DPP6: variants seen among roughly 807,000 people sequenced by gnomAD.
DPP6 encodes A-type potassium channel modulatory protein DPP6.
Under a neutral mutation model 122.6 loss-of-function variants are expected in DPP6, and 69 were observed. The ratio of observed to expected loss-of-function variants is 0.56; its 90% CI spans 0.46 to 0.69. The LOEUF (loss-of-function observed/expected upper bound fraction) is 0.69, where lower values mean the gene tolerates loss of function less well. Ranked by LOEUF, DPP6 falls within the 30% of genes least tolerant of loss-of-function variation. DPP6 has a pLI of 0.00. For missense variants in DPP6, 928 were observed against 1,116.9 expected, an observed-to-expected ratio of 0.83 and a Z score of 2.41; for synonymous variants, 418 against 433.1, an observed-to-expected ratio of 0.97 and a Z score of 0.43.
chr7:154,456,342 A>C, intron 2 of DPP6, among the ~76,000 whole-genome samples: 1 of 152,346 alleles, frequency 6.6e-6, no homozygotes, highest in Non-Finnish European at 1.5e-5. Flanking sequence ...TGTGCATTTA[A>C]GTATGGTATT....
chr7:154,178,379 CTTCT>C (rs1797910965), intron 1 of DPP6, among the ~76,000 whole-genome samples: 2 of 148,322 alleles, frequency 1.3e-5, no homozygotes, highest in Non-Finnish European at 3.0e-5. Context: ...TTTTTTTTTC[CTTCT>C]ATCTTCAGCC....
chr7:154,580,534 C>T (rs550715322), intron 5 of DPP6, among the ~76,000 whole-genome samples: 1 of 152,276 alleles, frequency 6.6e-6, no homozygotes, highest in Admixed American at 6.5e-5. Context: ...GCCGTTAGAG[C>T]CTGAGGGGTC....
chr7:154,713,076 A>G (rs1186071964), intron 7 of DPP6, among the ~76,000 whole-genome samples: 1 of 152,242 alleles, frequency 6.6e-6, no homozygotes, highest in Non-Finnish European at 1.5e-5. Context: ...GGCCAAAACA[A>G]AGAGGCTGCA....
At chr7:154,278,673 A>G (rs1355526421) in intron 1 of DPP6, among the ~76,000 whole-genome samples, 1 of 152,228 alleles carries the variant, frequency 6.6e-6, no homozygotes, top group Non-Finnish European at 1.5e-5. Context: ...TGCTTGCTCT[A>G]GTAATGTTGT....
intron 1 of DPP6, among the ~76,000 whole-genome samples, chr7:154,348,525 A>G (rs1586016184): frequency 6.6e-6 from 1 of 152,208 alleles, no homozygotes; most frequent in African/African-American, 2.4e-5. Context: ...AAAGGATAGC[A>G]TCATAGAAAC....
At chr7:154,077,971 T>C (rs573142514) in intron 1 of DPP6, among the ~76,000 whole-genome samples, 6 of 152,270 alleles carry the variant, frequency 3.9e-5, no homozygotes, top group African/African-American at 1.2e-4. Context: ...TCCCGGCCAA[T>C]AGATTATAGA....
chr7:153,919,376 C>T (rs1175297988), intron 1 of DPP6, among the ~76,000 whole-genome samples: 2 of 152,126 alleles, frequency 1.3e-5, no homozygotes, highest in Non-Finnish European at 2.9e-5. Flanking sequence ...ACCAGAGGGC[C>T]TGAAGGAAAG....
At chr7:154,597,487 C>T (rs1378299268) in intron 5 of DPP6, among the ~76,000 whole-genome samples, 2 of 151,938 alleles carry the variant, frequency 1.3e-5, no homozygotes, top group Admixed American at 1.3e-4. Context: ...GTGGCAGGCA[C>T]CTGTAGTCCC....
At chr7:154,605,974 T>C (rs1833576207) in intron 5 of DPP6, among the ~76,000 whole-genome samples, 1 of 120,162 alleles carries the variant, frequency 8.3e-6, no homozygotes, top group Non-Finnish European at 1.9e-5. Context: ...TTATTTACCC[T>C]TTTCACAAAA....
chr7:154,429,763 G>A (rs1818204562), intron 1 of DPP6, among the ~76,000 whole-genome samples: 1 of 152,186 alleles, frequency 6.6e-6, no homozygotes. Context: ...ACCGGGGTTA[G>A]GCAGGGCTTG....
At chr7:153,888,705 C>CTTT (rs142238331) in intron 1 of DPP6, among the ~76,000 whole-genome samples, 5 of 77,000 alleles carry the variant, frequency 6.5e-5, no homozygotes, top group East Asian at 3.5e-4. Flanking sequence ...CTGGCTGGCA[C>CTTT]TTTTTTTTTT....
intron 1 of DPP6, among the ~76,000 whole-genome samples, chr7:154,371,367 A>T (rs1177872697): frequency 7.7e-5 from 10 of 130,066 alleles, no homozygotes; most frequent in Admixed American, 1.6e-4. Context: ...AGACAGAGTG[A>T]AACTCTGTCT....
chr7:154,542,498 G>A (rs1042281461), intron 4 of DPP6, among the ~76,000 whole-genome samples: 4 of 152,110 alleles, frequency 2.6e-5, no homozygotes, highest in African/African-American at 4.8e-5. Context: ...AATGTGAACC[G>A]CCTTCTCTTT....
At chr7:154,547,869 T>C (rs1213093231) in intron 4 of DPP6, among the ~76,000 whole-genome samples, 1 of 152,228 alleles carries the variant, frequency 6.6e-6, no homozygotes, top group Non-Finnish European at 1.5e-5. Context: ...TATATTTTAC[T>C]TACTTTTATT....
the DPP6 span, among the ~76,000 whole-genome samples, chr7:153,849,690 CTT>C: frequency 2.0e-5 from 3 of 152,082 alleles, no homozygotes; most frequent in Non-Finnish European, 4.4e-5. Context: ...CAAATTTTGA[CTT>C]TTGAAAATGT....
At chr7:154,172,507 C>T (rs1797585619) in intron 1 of DPP6, among the ~76,000 whole-genome samples, 1 of 152,150 alleles carries the variant, frequency 6.6e-6, no homozygotes, top group Non-Finnish European at 1.5e-5. Flanking sequence ...CAATCTTGGT[C>T]TGCTTGCCCT....
At chr7:154,064,848 G>A (rs890367860) in intron 1 of DPP6, among the ~76,000 whole-genome samples, 1 of 152,186 alleles carries the variant, frequency 6.6e-6, no homozygotes. Context: ...AGTCAGTTGT[G>A]TTGTCAGAGC....
chr7:153,847,262 T>C, the DPP6 span, among the ~76,000 whole-genome samples: 1 of 152,228 alleles, frequency 6.6e-6, no homozygotes, highest in Non-Finnish European at 1.5e-5. Context: ...TTTATTTTTA[T>C]ACTGTATATT....
rs1795449510 is a variant in DPP6, at chr7:154,760,251, G to A, written c.884-9166G>A. On this transcript the variant is annotated intron_variant, in intron 8 of 25. Coordinates refer to ENST00000377770, the MANE Select transcript of DPP6 (RefSeq NM_130797.4). This position sits in a 1 kb window ranked among gnomAD's most constrained non-coding sequence, Gnocchi z 4.5. ...CAGCAGGCGGATTCTGGGATTAGCA[G>A]GTGATTGGTGGAAGGAACGGGGAGG... 6.6e-6 allele frequency among the ~76,000 whole-genome samples: 1 copy of A among 152,208 alleles called. No individual in the cohort carries two copies. The highest frequency in any genetic ancestry group is 6.5e-5 in the Admixed American group (1 of 15,288).
Sources: allele counts gnomAD v4.1 joint callset (sites outside exome capture counted in the v4.1 genomes callset), GRCh38; gene constraint gnomAD v4.1.1; non-coding constraint Gnocchi (gnomAD v3.1); transcripts MANE v1.5; gene names NCBI Gene and HGNC (gene_info 2026-07-23, HGNC 2026-07-21).